GLIS1: variants seen among roughly 807,000 people sequenced by gnomAD.
GLIS1 encodes the protein zinc finger protein GLIS1.
GLIS1 carries 24 observed loss-of-function variants against 63.8 expected under a neutral mutation model. The observed-to-expected ratio is 0.38, with a 90% CI of 0.27 to 0.53. GLIS1 has a LOEUF of 0.53. Ranked by LOEUF, GLIS1 falls within the 20% of genes least tolerant of loss-of-function variation. The pLI, the probability that GLIS1 is intolerant of heterozygous loss-of-function variation, is 0.85. For synonymous variants in GLIS1, 450 were observed against 482.5 expected (o/e 0.93, Z 0.88); for missense variants, 1,036 against 1,074.1 (o/e 0.96, Z 0.50).
intron 2 of GLIS1, among the ~76,000 whole-genome samples, chr1:53,652,113 A>C (rs1345209030): frequency 2.0e-5 from 3 of 152,176 alleles, no homozygotes; most frequent in African/African-American, 7.2e-5. Flanking sequence ...AATCTCAGAT[A>C]TGCACTTCCT....
intron 2 of GLIS1, among the ~76,000 whole-genome samples, chr1:53,620,307 C>G (rs1465860045): frequency 6.6e-6 from 1 of 152,192 alleles, no homozygotes; most frequent in Admixed American, 6.5e-5. Flanking sequence ...GTCTTCAGAC[C>G]AGCGCTGACA....
chr1:53,667,437 C>T (rs1234947080), intron 2 of GLIS1, among the ~76,000 whole-genome samples: 1 of 152,244 alleles, frequency 6.6e-6, no homozygotes, highest in Non-Finnish European at 1.5e-5. Flanking sequence ...CCCAAGGTCA[C>T]TCAGCCAGGG....
intron 2 of GLIS1, among the ~76,000 whole-genome samples, chr1:53,710,345 A>G (rs1310503238): frequency 6.6e-6 from 1 of 152,244 alleles, no homozygotes; most frequent in African/African-American, 2.4e-5. Flanking sequence ...GGGCTGTGCA[A>G]TACGGTGGCC....
chr1:53,678,441 G>A (rs1347367975), intron 2 of GLIS1, among the ~76,000 whole-genome samples: 3 of 151,524 alleles, frequency 2.0e-5, no homozygotes, highest in African/African-American at 7.3e-5. Flanking sequence ...TAGATCACTT[G>A]CCTGGCATCA....
At chr1:53,556,299 A>ATG (rs1297903107) in intron 4 of GLIS1, among the ~76,000 whole-genome samples, 9 of 46,742 alleles carry the variant, frequency 1.9e-4, no homozygotes, top group African/African-American at 7.5e-4. Flanking sequence ...TACTGTAGGT[A>ATG]TGTGTGTGTG....
In GLIS1 at chr1:53,511,973, G is replaced by A. The variant is rs1404220921; in HGVS notation, c.1884-1946C>T. Among the ~76,000 whole-genome samples the A allele has an allele frequency of 4.6e-5, 7 of 152,228 alleles. No homozygotes were observed. Among genetic ancestry groups the A allele is most frequent in the South Asian group, 4.1e-4 (2 of 4,830 alleles). On this transcript the variant is annotated intron_variant, in intron 8 of 10. Coordinates refer to ENST00000628545, the MANE Select transcript of GLIS1 (RefSeq NM_001367484.1). This position sits in a 1 kb window ranked among gnomAD's most constrained non-coding sequence, Gnocchi z 4.2. ...GCATGGCACACAGTGAAAAACCAAT[G>A]ACACTAATAAATGAGTTTCTGAATC... is the stretch of plus-strand genomic sequence containing the variant.
intron 2 of GLIS1, among the ~76,000 whole-genome samples, chr1:53,720,589 G>C (rs150443972): frequency 1.3e-5 from 2 of 152,276 alleles, no homozygotes; most frequent in African/African-American, 2.4e-5. Flanking sequence ...ACAGTAAAGT[G>C]ACTATAGTTA....
At chr1:53,546,726 T>A (rs1163963892) in intron 4 of GLIS1, among the ~76,000 whole-genome samples, 24 of 152,322 alleles carry the variant, frequency 1.6e-4, no homozygotes, top group Non-Finnish European at 4.4e-5. Context: ...GCGGCCATCA[T>A]TCTCTTTCCA....
chr1:53,530,095 C>G, intron 4 of GLIS1, 143 bp from the exon 5 acceptor site: 1 of 723,146 alleles, frequency 1.4e-6, no homozygotes, highest in Non-Finnish European at 2.2e-6. Context: ...GGATCAGCTC[C>G]CCATGAAGTG....
intron 2 of GLIS1, among the ~76,000 whole-genome samples, chr1:53,633,182 TGTGACTGTGAGGTGTGA>T (rs1645684845): frequency 7.0e-6 from 1 of 143,830 alleles, no homozygotes; most frequent in African/African-American, 2.7e-5. Flanking sequence ...GGCATGTGAA[TGTGACTGTGAGGTGTGA>T]ATGTGACTGA....
At chr1:53,647,428 C>T (rs989052098) in intron 2 of GLIS1, among the ~76,000 whole-genome samples, 2 of 152,122 alleles carry the variant, frequency 1.3e-5, no homozygotes, top group Non-Finnish European at 2.9e-5. Context: ...AAAGGTGGCC[C>T]TTCAGAAAAG....
intron 10 of GLIS1, 95 bp from the exon 11 acceptor site, chr1:53,506,871 T>C: frequency 7.9e-7 from 1 of 1,260,946 alleles, no homozygotes; most frequent in South Asian, 1.4e-5. Flanking sequence ...CTGCCCAGGG[T>C]CATCCCCTCA....
chr1:53,612,222 G>A (rs2100575131), intron 2 of GLIS1, among the ~76,000 whole-genome samples: 1 of 152,280 alleles, frequency 6.6e-6, no homozygotes, highest in Non-Finnish European at 1.5e-5. Flanking sequence ...TGAAGGAAAA[G>A]CAATGCTGAA....
intron 2 of GLIS1, among the ~76,000 whole-genome samples, chr1:53,704,901 C>T (rs1259874463): frequency 6.6e-6 from 1 of 152,170 alleles, no homozygotes; most frequent in Non-Finnish European, 1.5e-5. Flanking sequence ...TTGCAGCTTG[C>T]CAGCTGCTTT....
intron 2 of GLIS1, among the ~76,000 whole-genome samples, chr1:53,692,028 A>G (rs898593436): frequency 2.6e-5 from 4 of 152,054 alleles, no homozygotes; most frequent in African/African-American, 9.7e-5. Context: ...TGGCAATTTC[A>G]CACCCAGCCT....
Position 53,691,609 on chromosome 1 carries a change from C to T in GLIS1, c.259+46197G>A, listed in dbSNP as rs962722740. Among the ~76,000 whole-genome samples the T allele has an allele frequency of 3.9e-5, 6 of 152,274 alleles. No individual in the cohort carries two copies. In the South Asian group the frequency reaches 1.0e-3, roughly 26 times the overall value. On this transcript the variant is annotated intron_variant, in intron 2 of 10. Transcript: ENST00000628545. ...CATTCCCTCTCCCTCTCCCAACAAC[C>T]GCCTCGCCTGGAGCTTCCACACCTT... is the stretch of plus-strand genomic sequence containing the variant.
intron 4 of GLIS1, among the ~76,000 whole-genome samples, chr1:53,532,926 T>C (rs1288097606): frequency 6.6e-6 from 1 of 152,218 alleles, no homozygotes; most frequent in East Asian, 1.9e-4. Context: ...ATCTAATTCA[T>C]ACGTTTTTCA....
intron 2 of GLIS1, among the ~76,000 whole-genome samples, chr1:53,617,539 T>C (rs1429464921): frequency 6.6e-6 from 1 of 152,228 alleles, no homozygotes; most frequent in Non-Finnish European, 1.5e-5. Flanking sequence ...GCCACGCTAC[T>C]TGTGACATCT....
chr1:53,561,308 A>G (rs1644890138), intron 4 of GLIS1, among the ~76,000 whole-genome samples: 1 of 152,216 alleles, frequency 6.6e-6, no homozygotes, highest in Non-Finnish European at 1.5e-5. Context: ...ACAAGCCTCC[A>G]GCTATAATTT....
Sources: gnomAD v4.1 joint callset for allele counts (sites outside exome capture counted in the v4.1 genomes callset) on GRCh38, gnomAD v4.1.1 for gene constraint, Gnocchi (gnomAD v3.1) non-coding constraint, MANE v1.5 for transcripts, NCBI Gene and HGNC (gene_info 2026-07-23, HGNC 2026-07-21) for gene names.